The following DYM variants were observed in gnomAD, a reference collection of about 807,000 sequenced individuals.
DYM encodes dyggve-Melchior-Clausen syndrome protein.
DYM carries 78 observed loss-of-function variants against 93.1 expected under a neutral mutation model. The observed-to-expected ratio is 0.84, with a 90% CI of 0.70 to 1.01. The LOEUF is 1.01. DYM is among the 50% of genes least tolerant of loss of function. DYM has a pLI of 0.00. For missense variants in DYM, 789 were observed against 845.0 expected, an observed-to-expected ratio of 0.93 and a Z score of 0.82; for synonymous variants, 321 against 319.7, an observed-to-expected ratio of 1.00 and a Z score of -0.04.
Position 49,097,448 on chromosome 18 carries a change from T to C in DYM, c.1979A>G (p.Glu660Gly). ...CGCAACGACGCCTTGCTTAATGATT[T>C]CCAGGACCCGTTCCACTGACAGCTC... is the stretch of plus-strand genomic sequence containing the variant. ...GAELSVERVL[E>G]IIKQGVVALP... is the part of the protein sequence containing the mutation. Residue 660 changes from glutamate to glycine, a missense_variant, in exon 17 of 18, where the codon GAA becomes GGA. By Grantham distance (98) the Glu-to-Gly change is moderately conservative. Transcript: ENST00000675505. The C allele has an allele frequency of 1.2e-6, 2 of 1,614,090 alleles. No individual in the cohort carries two copies. The highest frequency in any genetic ancestry group is 1.7e-6 in the Non-Finnish European group (2 of 1,179,940).
intron 2 of DYM, among the ~76,000 whole-genome samples, chr18:49,423,252 G>T (rs369598934): frequency 6.6e-5 from 10 of 152,118 alleles, no homozygotes; most frequent in South Asian, 6.2e-4. Context: ...ACTCAAAACC[G>T]CTCAACTACA....
chr18:49,296,396 A>C (rs1263634891), intron 8 of DYM, among the ~76,000 whole-genome samples: 1 of 152,160 alleles, frequency 6.6e-6, no homozygotes, highest in Non-Finnish European at 1.5e-5. Context: ...GTATACATTC[A>C]TTTCATCATT....
intron 8 of DYM, among the ~76,000 whole-genome samples, chr18:49,305,420 T>C (rs2061216491): frequency 6.6e-6 from 1 of 152,184 alleles, no homozygotes; most frequent in South Asian, 2.1e-4. Context: ...ATTGTTCTCT[T>C]TAAACTTCTA....
chr18:49,113,368 CT>C (rs556511151), intron 16 of DYM, among the ~76,000 whole-genome samples: 1,864 of 152,304 alleles, frequency 0.012, 22 homozygotes, highest in Non-Finnish European at 0.017. Context: ...CCTTGTCTTG[CT>C]GCTTAATTCA....
chr18:49,199,816 T>C (rs1401338169), intron 14 of DYM, among the ~76,000 whole-genome samples: 1 of 152,184 alleles, frequency 6.6e-6, no homozygotes, highest in Non-Finnish European at 1.5e-5. Flanking sequence ...GAAGATGCAA[T>C]CCTTTGAAAG....
At chr18:49,377,890 G>C (rs2067663298) in intron 5 of DYM, among the ~76,000 whole-genome samples, 1 of 152,144 alleles carries the variant, frequency 6.6e-6, no homozygotes, top group Non-Finnish European at 1.5e-5. Context: ...TCCCACAAGA[G>C]ATGTTAACAT....
intron 13 of DYM, among the ~76,000 whole-genome samples, chr18:49,222,441 ACAT>A (rs1459500124): frequency 1.3e-5 from 2 of 152,144 alleles, no homozygotes; most frequent in Non-Finnish European, 2.9e-5. Flanking sequence ...TGAGTTTGAG[ACAT>A]CTTGTTGGCC....
At chr18:49,209,845 G>T in intron 13 of DYM, 130 bp from the exon 14 acceptor site, 1 of 481,492 alleles carries the variant, frequency 2.1e-6, no homozygotes, top group Non-Finnish European at 2.9e-6. Flanking sequence ...AAAAAAAACT[G>T]TCAGAATAAA....
rs540189318 is a variant in DYM, at chr18:49,195,916, C to CTTTTTTTT, written c.1625+13627_1625+13634dup. On this transcript the variant is annotated intron_variant, in intron 14 of 17. Transcript: ENST00000675505. ...ATTATGCTCTCTTGAATGCTACCATCTTTTTTTTTTTTTTTTTTTTTTTTT... is the reference window on the plus strand; with the variant it reads ...ATTATGCTCTCTTGAATGCTACCATCTTTTTTTTTTTTTTTTTTTTTTTTTTTTTTTTT... 8.8e-3 allele frequency among the ~76,000 whole-genome samples: 741 copies of CTTTTTTTT among 83,980 alleles called. 109 individuals are homozygous for CTTTTTTTT. The highest frequency in any genetic ancestry group is 0.039 in the African/African-American group (687 of 17,704). The allele number at this position is 83,980 out of a possible 152,430, so 55.1% of individuals were successfully genotyped here.
At chr18:49,120,595 C>A (rs1425679399) in intron 15 of DYM, among the ~76,000 whole-genome samples, 2 of 152,210 alleles carry the variant, frequency 1.3e-5, no homozygotes, top group East Asian at 3.9e-4. Context: ...ATATGAAGGG[C>A]CAACTGTATG....
chr18:49,426,117 T>G (rs2074259218), intron 2 of DYM, among the ~76,000 whole-genome samples: 1 of 152,034 alleles, frequency 6.6e-6, no homozygotes, highest in South Asian at 2.1e-4. Flanking sequence ...TGTGGCACTA[T>G]TCACAATAGC....
chr18:49,097,080 T>A, intron 17 of DYM: 1 of 416,634 alleles, frequency 2.4e-6, no homozygotes, highest in South Asian at 2.2e-5. Context: ...CTTGTGATCA[T>A]CTTCATCATC....
In DYM at chr18:49,110,854, C is replaced by T. The variant is rs559345813; in HGVS notation, c.1911+7890G>A. Among the ~76,000 whole-genome samples the T allele has an allele frequency of 2.6e-5, 4 of 152,236 alleles. No individual in the cohort carries two copies. In the South Asian group the frequency reaches 6.2e-4, roughly 24 times the overall value. ...ATATGTATATTGAATCATCTGATAT[C>T]GTCCTATAGCTCTTGGATGATAGGT... On this transcript the variant is annotated intron_variant, in intron 16 of 17. Coordinates refer to ENST00000675505, the MANE Select transcript of DYM (RefSeq NM_001353214.3).
At chr18:49,221,217 C>T (rs1288938897) in intron 13 of DYM, among the ~76,000 whole-genome samples, 2 of 152,086 alleles carry the variant, frequency 1.3e-5, no homozygotes, top group African/African-American at 4.8e-5. Flanking sequence ...TACCATCTCA[C>T]ACCAGTTAGA....
chr18:49,350,638 G>A (rs1418744370), intron 6 of DYM, among the ~76,000 whole-genome samples: 1 of 151,296 alleles, frequency 6.6e-6, no homozygotes, highest in Non-Finnish European at 1.5e-5. Context: ...CCTGGGAGGC[G>A]GAGGTTGCAG....
intron 8 of DYM, among the ~76,000 whole-genome samples, chr18:49,304,126 T>C (rs1464520006): frequency 2.6e-5 from 4 of 152,180 alleles, no homozygotes; most frequent in African/African-American, 9.7e-5. Flanking sequence ...TTCAAAATGG[T>C]CAAAGATGGT....
Position 49,136,970 on chromosome 18 carries a change from T to C in DYM, c.1729-18044A>G, listed in dbSNP as rs920611973. 1.2e-4 allele frequency among the ~76,000 whole-genome samples: 18 copies of C among 152,288 alleles called. No homozygotes were observed. In the South Asian group the frequency reaches 3.1e-3, roughly 26 times the overall value. On this transcript the variant is annotated intron_variant, in intron 15 of 17. Coordinates refer to ENST00000675505, the MANE Select transcript of DYM (RefSeq NM_001353214.3). ...ATGAATACACTATAACAAGAAAACA[T>C]TGAGTACTCATACTAGTATCAATGG...
At chr18:49,362,170 C>T (rs2147345086) in intron 6 of DYM, among the ~76,000 whole-genome samples, 1 of 151,674 alleles carries the variant, frequency 6.6e-6, no homozygotes, top group Non-Finnish European at 1.5e-5. Context: ...CTGGCCAATA[C>T]TTTTTTTTAA....
At chr18:49,195,485 C>G (rs2091353605) in intron 14 of DYM, among the ~76,000 whole-genome samples, 1 of 152,126 alleles carries the variant, frequency 6.6e-6, no homozygotes, top group Non-Finnish European at 1.5e-5. Context: ...TACCACAGAA[C>G]AACAGAACTC....
Sources: allele counts gnomAD v4.1 joint callset (sites outside exome capture counted in the v4.1 genomes callset), GRCh38; gene constraint gnomAD v4.1.1; transcripts MANE v1.5; gene names NCBI Gene and HGNC (gene_info 2026-07-23, HGNC 2026-07-21).